The following EXOC2 variants were observed in gnomAD, a reference collection of about 807,000 sequenced individuals.
EXOC2 encodes exocyst complex component 2, also known as SEC5-like 1.
A neutral mutation model predicts 131.8 loss-of-function variants in EXOC2; 70 were observed. The observed-to-expected ratio is 0.53, with a 90% CI of 0.44 to 0.65. EXOC2 has a LOEUF of 0.65. Among genes scored for constraint, EXOC2 ranks in the 30% least tolerant of loss-of-function variants. The pLI is 0.00. For synonymous variants in EXOC2, 411 were observed against 398.4 expected (o/e 1.03, Z -0.38); for missense variants, 923 against 1,108.6 (o/e 0.83, Z 2.38).
chr6:500,807 T>C (rs963482883), intron 23 of EXOC2, among the ~76,000 whole-genome samples: 48 of 152,102 alleles, frequency 3.2e-4, no homozygotes, highest in Non-Finnish European at 4.6e-4. Context: ...AAGGAAAATA[T>C]TCTCCCAGAG....
intron 10 of EXOC2, among the ~76,000 whole-genome samples, chr6:592,864 A>T (rs1040774350): frequency 1.3e-5 from 2 of 150,644 alleles, no homozygotes; most frequent in African/African-American, 4.9e-5. Context: ...CGTCGCTACT[A>T]AAAAAAAATA....
At chr6:616,602 C>CAA (rs70985805) in intron 6 of EXOC2, among the ~76,000 whole-genome samples, 33,368 of 69,364 alleles carry the variant, frequency 0.48, 9,043 homozygotes, top group Middle Eastern at 0.57. Context: ...AACTCCGTCT[C>CAA]AAAAAAAAAA....
At chr6:681,835 TCTCTGCCCTTGCAAGAGAATCAACTG>T (rs1261401777) in intron 1 of EXOC2, among the ~76,000 whole-genome samples, 1 of 152,234 alleles carries the variant, frequency 6.6e-6, no homozygotes, top group Non-Finnish European at 1.5e-5. Context: ...ATACTTTGCT[TCTCTGCCCTTGCAAGAGAATCAACTG>T]CTCTGGAGGA....
intron 4 of EXOC2, among the ~76,000 whole-genome samples, chr6:621,201 T>C (rs1761273136): frequency 6.6e-6 from 1 of 152,194 alleles, no homozygotes; most frequent in South Asian, 2.1e-4. Context: ...ACCTCTACTG[T>C]CCATGCAGGC....
At chr6:636,302 C>G (rs950884198) in intron 2 of EXOC2, among the ~76,000 whole-genome samples, 1 of 152,166 alleles carries the variant, frequency 6.6e-6, no homozygotes, top group African/African-American at 2.4e-5. Flanking sequence ...TATCAAAAAC[C>G]AAGGCATAGG....
At chr6:580,048 GT>G (rs11373096) in intron 11 of EXOC2, among the ~76,000 whole-genome samples, 9 of 146,782 alleles carry the variant, frequency 6.1e-5, no homozygotes, top group Admixed American at 1.3e-4. Context: ...AGTTTTTTTT[GT>G]TTTTTTTTTT....
At chr6:540,750 T>C (rs888792370) in intron 22 of EXOC2, among the ~76,000 whole-genome samples, 1 of 152,076 alleles carries the variant, frequency 6.6e-6, no homozygotes, top group African/African-American at 2.4e-5. Context: ...GAAAAAATAT[T>C]TGAAGAGATA....
At chr6:490,019 G>A (rs1359385989) in intron 26 of EXOC2, among the ~76,000 whole-genome samples, 1 of 152,200 alleles carries the variant, frequency 6.6e-6, no homozygotes, top group Admixed American at 6.5e-5. Context: ...CTCTTTCCTG[G>A]TGTGGAAGCC....
At chr6:668,595 C>A (rs1015820200) in intron 1 of EXOC2, among the ~76,000 whole-genome samples, 2 of 152,176 alleles carry the variant, frequency 1.3e-5, no homozygotes, top group African/African-American at 4.8e-5. Flanking sequence ...AACCTAACCT[C>A]CCTCAGCCCC....
chr6:541,594 C>T (rs914329767), intron 22 of EXOC2, among the ~76,000 whole-genome samples: 2 of 134,930 alleles, frequency 1.5e-5, no homozygotes, highest in Non-Finnish European at 3.4e-5. Context: ...TACAAACAAG[C>T]GATAGTAAGT....
At chr6:529,855 T>A (rs7747922) in intron 23 of EXOC2, among the ~76,000 whole-genome samples, 1 of 152,336 alleles carries the variant, frequency 6.6e-6, no homozygotes, top group East Asian at 1.9e-4. Flanking sequence ...TGTCGTTACA[T>A]GCTAATCACA....
intron 21 of EXOC2, among the ~76,000 whole-genome samples, chr6:551,457 C>T (rs1482641087): frequency 6.6e-6 from 1 of 152,350 alleles, no homozygotes; most frequent in Non-Finnish European, 1.5e-5. Context: ...GCCCTGCAAC[C>T]TGCAGAGACA....
In EXOC2 at chr6:486,553, GAA is replaced by G. The variant is rs1298966054; in HGVS notation, c.*116_*117del. On this transcript the variant is annotated 3_prime_UTR_variant, in exon 28 of 28. Transcript: ENST00000230449. Reference sequence around the variant, plus strand: ...CCAACAATTTTCGAAGTCAGAGGAAGAAAAAAGAGAAAAATGGCAAACCCAAT... The same window carrying G: ...CCAACAATTTTCGAAGTCAGAGGAAGAAAAGAGAAAAATGGCAAACCCAAT... The G allele has an allele frequency of 4.4e-6, 4 of 905,940 alleles. No homozygotes were observed. Among genetic ancestry groups the G allele is most frequent in the Non-Finnish European group, 6.8e-6 (4 of 589,456 alleles). 56.1% of individuals were successfully genotyped at this position (905,940 alleles called of 1,614,324 possible). A position where few individuals can be genotyped will look rare whatever the true frequency, so the allele number is the denominator to read the frequency against.
chr6:545,699 C>T (rs1197597958), intron 22 of EXOC2, among the ~76,000 whole-genome samples: 3 of 152,144 alleles, frequency 2.0e-5, no homozygotes, highest in African/African-American at 7.2e-5. Flanking sequence ...TTACCAAGTA[C>T]CTCTGGGGCT....
intron 23 of EXOC2, among the ~76,000 whole-genome samples, chr6:507,358 CCACACA>C (rs59493114): frequency 4.6e-5 from 6 of 131,336 alleles, no homozygotes; most frequent in African/African-American, 1.8e-4. Context: ...AGCAGTGACC[CCACACA>C]CACACACACA....
chr6:590,868 A>C (rs1759502937), intron 11 of EXOC2, among the ~76,000 whole-genome samples: 1 of 152,030 alleles, frequency 6.6e-6, no homozygotes, highest in Admixed American at 6.5e-5. Flanking sequence ...CCAAGCTCAA[A>C]TTTCTCAGTC....
chr6:679,636 C>A (rs1260308718), intron 1 of EXOC2: 2 of 152,100 alleles, frequency 1.3e-5, no homozygotes, highest in Non-Finnish European at 2.9e-5. Flanking sequence ...TGCTATTAGG[C>A]ATGAAGATTC....
intron 25 of EXOC2, 110 bp from the exon 26 acceptor site, chr6:491,296 G>A (rs563141557): frequency 7.7e-5 from 82 of 1,061,598 alleles, no homozygotes; most frequent in South Asian, 1.6e-4. Flanking sequence ...TGGGGTTGGC[G>A]TAATACCACC....
intron 17 of EXOC2, among the ~76,000 whole-genome samples, chr6:559,735 G>T (rs940665137): frequency 6.6e-6 from 1 of 152,186 alleles, no homozygotes; most frequent in Non-Finnish European, 1.5e-5. Context: ...TCAGGCAAAC[G>T]AGGTCTGGAG....
Sources: gnomAD v4.1 joint callset for allele counts (sites outside exome capture counted in the v4.1 genomes callset) on GRCh38, gnomAD v4.1.1 for gene constraint, MANE v1.5 for transcripts, NCBI Gene and HGNC (gene_info 2026-07-23, HGNC 2026-07-21) for gene names.